AGBL4: variants seen among roughly 807,000 people sequenced by gnomAD.
AGBL4 encodes the protein cytosolic carboxypeptidase 6.
AGBL4 carries 58 observed loss-of-function variants against 66.4 expected under a neutral mutation model. The observed-to-expected ratio is 0.87, with a 90% CI of 0.71 to 1.09. AGBL4 has a LOEUF of 1.09. Among genes scored for constraint, AGBL4 ranks in the 50% least tolerant of loss-of-function variants. The probability of loss-of-function intolerance (pLI) is 0.00; values close to 1 mark genes in which losing one functional copy is unlikely to be tolerated. For missense variants in AGBL4, 579 were observed against 631.0 expected, an observed-to-expected ratio of 0.92 and a Z score of 0.88; for synonymous variants, 234 against 222.9, an observed-to-expected ratio of 1.05 and a Z score of -0.44.
intron 6 of AGBL4, among the ~76,000 whole-genome samples, chr1:48,850,675 C>CCA (rs1448096462): frequency 1.3e-5 from 2 of 152,124 alleles, no homozygotes; most frequent in African/African-American, 4.8e-5. Context: ...CTGGCATGTG[C>CCA]CACAACACCT....
chr1:48,531,931 G>A (rs919235729), downstream of AGBL4, among the ~76,000 whole-genome samples: 4 of 151,944 alleles, frequency 2.6e-5, no homozygotes, highest in Admixed American at 6.6e-5. Context: ...TTACAGGTGC[G>A]TGCCACCACG....
chr1:49,568,487 TCACACACACACACA>T (rs71059555), intron 3 of AGBL4, among the ~76,000 whole-genome samples: 1 of 131,206 alleles, frequency 7.6e-6, no homozygotes, highest in Admixed American at 7.9e-5. Flanking sequence ...AAATAAGTGA[TCACACACACACACA>T]CACACACACA....
intron 1 of AGBL4, among the ~76,000 whole-genome samples, chr1:49,935,300 C>T (rs1033023683): frequency 1.3e-5 from 2 of 152,242 alleles, no homozygotes; most frequent in African/African-American, 2.4e-5. Flanking sequence ...CGCCATTGCC[C>T]AGGCTTGCTT....
chr1:48,950,681 G>A (rs1384629616), intron 5 of AGBL4, among the ~76,000 whole-genome samples: 4 of 152,132 alleles, frequency 2.6e-5, no homozygotes, highest in East Asian at 1.9e-4. Context: ...CAAATGAGAC[G>A]AATGAGGATT....
chr1:49,118,302 A>C (rs780428341), intron 4 of AGBL4, among the ~76,000 whole-genome samples: 5 of 152,188 alleles, frequency 3.3e-5, no homozygotes, highest in Non-Finnish European at 5.9e-5. Flanking sequence ...GCTGGTTTTC[A>C]AAGGGAATGC....
chr1:49,290,273 G>A (rs926211828), intron 3 of AGBL4, among the ~76,000 whole-genome samples: 2 of 152,204 alleles, frequency 1.3e-5, no homozygotes, highest in African/African-American at 4.8e-5. Context: ...AGCTAGGGTT[G>A]GCTCCAGACT....
At chr1:48,758,091 C>T (rs1298974107) in intron 6 of AGBL4, among the ~76,000 whole-genome samples, 1 of 152,144 alleles carries the variant, frequency 6.6e-6, no homozygotes, top group Non-Finnish European at 1.5e-5. Context: ...GATCAGAAAA[C>T]CTGATTAGTT....
intron 5 of AGBL4, among the ~76,000 whole-genome samples, chr1:48,991,235 GTAC>G (rs1660580730): frequency 6.6e-6 from 1 of 152,152 alleles, no homozygotes; most frequent in African/African-American, 2.4e-5. Flanking sequence ...TTTGCTGAAT[GTAC>G]TACTATAGTG....
chr1:49,293,165 A>G (rs536543186), intron 3 of AGBL4, among the ~76,000 whole-genome samples: 2 of 152,334 alleles, frequency 1.3e-5, no homozygotes, highest in African/African-American at 4.8e-5. Context: ...ACAGCCACAC[A>G]GAGAGCCATC....
At chr1:48,835,832 C>A (rs1289390350) in intron 6 of AGBL4, among the ~76,000 whole-genome samples, 1 of 152,066 alleles carries the variant, frequency 6.6e-6, no homozygotes, top group Admixed American at 6.6e-5. Context: ...ATATCATGTC[C>A]AAAAACCTGT....
intron 8 of AGBL4, among the ~76,000 whole-genome samples, chr1:48,641,048 T>A (rs1052734267): frequency 2.0e-5 from 3 of 152,130 alleles, no homozygotes; most frequent in South Asian, 4.1e-4. Context: ...AGCAGTGGCA[T>A]TGACAAGCAG....
At chr1:48,572,431 T>G in intron 11 of AGBL4, among the ~76,000 whole-genome samples, 1 of 149,370 alleles carries the variant, frequency 6.7e-6, no homozygotes, top group Admixed American at 6.7e-5. Flanking sequence ...GAAAAAAAAG[T>G]GGAAGAGGTG....
chr1:49,648,908 A>C (rs1376021449), intron 3 of AGBL4, among the ~76,000 whole-genome samples: 2 of 152,150 alleles, frequency 1.3e-5, no homozygotes, highest in African/African-American at 2.4e-5. Context: ...CATAAAGAGC[A>C]TCAGAGAATA....
chr1:50,021,041 T>G (rs1662406993), intron 1 of AGBL4, among the ~76,000 whole-genome samples: 1 of 152,226 alleles, frequency 6.6e-6, no homozygotes, highest in African/African-American at 2.4e-5. Context: ...AGGCATTATT[T>G]GCCTAAATGA....
At chr1:49,307,978 T>C (rs780982222) in intron 3 of AGBL4, among the ~76,000 whole-genome samples, 2 of 152,010 alleles carry the variant, frequency 1.3e-5, no homozygotes, top group Non-Finnish European at 2.9e-5. Context: ...GATTGAATCA[T>C]GGGGGTGGAT....
chr1:48,569,798 G>A (rs187967006), intron 11 of AGBL4, among the ~76,000 whole-genome samples: 30 of 152,106 alleles, frequency 2.0e-4, no homozygotes, highest in African/African-American at 5.3e-4. Flanking sequence ...AATCTGCCCC[G>A]CAACCCTCCG....
At chr1:49,748,414 T>G (rs1571475394) in intron 2 of AGBL4, among the ~76,000 whole-genome samples, 1 of 152,342 alleles carries the variant, frequency 6.6e-6, no homozygotes, top group African/African-American at 2.4e-5. Flanking sequence ...TCATCATTGA[T>G]GGGCATTTTG....
intron 3 of AGBL4, among the ~76,000 whole-genome samples, chr1:49,420,423 G>A (rs952318275): frequency 2.0e-5 from 3 of 151,948 alleles, no homozygotes; most frequent in African/African-American, 7.2e-5. Context: ...TGTATTGGCC[G>A]GGTGCAGTGG....
intron 6 of AGBL4, among the ~76,000 whole-genome samples, chr1:48,763,644 C>G (rs967424651): frequency 1.3e-5 from 2 of 152,198 alleles, no homozygotes; most frequent in African/African-American, 2.4e-5. Flanking sequence ...TTAGAAATGA[C>G]AAGCTATGCT....
Sources: gnomAD v4.1 joint callset for allele counts (sites outside exome capture counted in the v4.1 genomes callset) on GRCh38, gnomAD v4.1.1 for gene constraint, MANE v1.5 for transcripts, NCBI Gene and HGNC (gene_info 2026-07-23, HGNC 2026-07-21) for gene names.